The following GABRB1 variants were observed in gnomAD, a reference collection of about 807,000 sequenced individuals.
GABRB1 encodes gamma-aminobutyric acid type A receptor subunit beta1.
GABRB1 carries 17 observed loss-of-function variants against 51.6 expected under a neutral mutation model. The observed-to-expected ratio is 0.33, with a 90% CI of 0.23 to 0.49. GABRB1 has a LOEUF of 0.49. Among genes scored for constraint, GABRB1 ranks in the 20% least tolerant of loss-of-function variants. The probability of loss-of-function intolerance (pLI) is 0.99; values close to 1 mark genes in which losing one functional copy is unlikely to be tolerated. For missense variants in GABRB1, 410 were observed against 600.6 expected (o/e 0.68, Z 3.32); for synonymous variants, 247 against 218.9 (o/e 1.13, Z -1.14).
intron 4 of GABRB1, among the ~76,000 whole-genome samples, chr4:47,318,697 C>T (rs770433030): frequency 4.6e-5 from 7 of 152,028 alleles, no homozygotes; most frequent in Non-Finnish European, 8.8e-5. Context: ...ATTATCTCTC[C>T]ATTTTCTCTT....
intron 4 of GABRB1, among the ~76,000 whole-genome samples, chr4:47,265,425 G>A (rs538855028): frequency 6.6e-6 from 1 of 152,224 alleles, no homozygotes; most frequent in East Asian, 1.9e-4. Context: ...TATGAGCGCA[G>A]ATATCTTTTG....
At chr4:47,046,239 A>T (rs1355510834) in intron 3 of GABRB1, among the ~76,000 whole-genome samples, 1 of 152,246 alleles carries the variant, frequency 6.6e-6, no homozygotes, top group East Asian at 1.9e-4. Flanking sequence ...ATATTTCTTC[A>T]TAGCAGGGTG....
intron 3 of GABRB1, among the ~76,000 whole-genome samples, chr4:47,038,602 G>T (rs961230849): frequency 6.6e-6 from 1 of 152,106 alleles, no homozygotes; most frequent in Non-Finnish European, 1.5e-5. Context: ...CCTTCCATGA[G>T]GTGACTGAGA....
intron 4 of GABRB1, among the ~76,000 whole-genome samples, chr4:47,217,280 T>C (rs1201945304): frequency 6.6e-6 from 1 of 151,890 alleles, no homozygotes; most frequent in Non-Finnish European, 1.5e-5. Context: ...AGAAAATGAC[T>C]ACATGCTTGT....
At chr4:47,128,807 C>T (rs952553415) in intron 3 of GABRB1, among the ~76,000 whole-genome samples, 4 of 151,890 alleles carry the variant, frequency 2.6e-5, no homozygotes, top group African/African-American at 9.7e-5. Context: ...TCTTTACCTT[C>T]GGATTTTGCC....
chr4:47,092,852 A>G (rs528931128), intron 3 of GABRB1, among the ~76,000 whole-genome samples: 2 of 152,156 alleles, frequency 1.3e-5, no homozygotes, highest in African/African-American at 4.8e-5. Context: ...TGACCTCGTG[A>G]TTCACCCGCT....
intron 4 of GABRB1, among the ~76,000 whole-genome samples, chr4:47,212,852 C>G (rs1019015144): frequency 5.3e-5 from 8 of 152,170 alleles, no homozygotes; most frequent in Non-Finnish European, 1.2e-4. Context: ...AACAATCCCT[C>G]CCTAGTCTGA....
chr4:47,031,425 C>T (rs1725290537), upstream of GABRB1: 1 of 563,006 alleles, frequency 1.8e-6, no homozygotes, highest in African/African-American at 1.9e-5. Flanking sequence ...AGCAGCTTGT[C>T]TCTGACTACC....
At chr4:47,256,301 T>C (rs1285561386) in intron 4 of GABRB1, among the ~76,000 whole-genome samples, 1 of 152,252 alleles carries the variant, frequency 6.6e-6, no homozygotes, top group Non-Finnish European at 1.5e-5. Context: ...AATTATTTCA[T>C]ATGTTTACAT....
At chr4:47,289,765 T>C (rs529513605) in intron 4 of GABRB1, among the ~76,000 whole-genome samples, 1 of 152,354 alleles carries the variant, frequency 6.6e-6, no homozygotes, top group South Asian at 2.1e-4. Context: ...TAACAAGATA[T>C]AAACTACCTG....
At chr4:47,239,073 T>C (rs1158032189) in intron 4 of GABRB1, among the ~76,000 whole-genome samples, 1 of 152,248 alleles carries the variant, frequency 6.6e-6, no homozygotes, top group East Asian at 1.9e-4. Flanking sequence ...TTTTTTTAAC[T>C]TTTTAATTGA....
chr4:47,391,080 G>A (rs866103553), intron 5 of GABRB1, among the ~76,000 whole-genome samples: 21 of 152,270 alleles, frequency 1.4e-4, no homozygotes, highest in African/African-American at 5.1e-4. Flanking sequence ...GGAGGCTGAG[G>A]CAGGAGAATT....
intron 3 of GABRB1, among the ~76,000 whole-genome samples, chr4:47,053,850 TA>T (rs986047393): frequency 3.3e-5 from 5 of 152,208 alleles, no homozygotes; most frequent in African/African-American, 1.2e-4. Flanking sequence ...GAAACACAGC[TA>T]AAATGACTGG....
intron 4 of GABRB1, among the ~76,000 whole-genome samples, chr4:47,239,495 T>A (rs1721447627): frequency 6.6e-6 from 1 of 152,190 alleles, no homozygotes; most frequent in African/African-American, 2.4e-5. Flanking sequence ...AAAAAATGTA[T>A]TAGCAATGGG....
intron 5 of GABRB1, among the ~76,000 whole-genome samples, chr4:47,384,272 A>G (rs1372192100): frequency 2.0e-5 from 3 of 152,106 alleles, no homozygotes; most frequent in Non-Finnish European, 4.4e-5. Flanking sequence ...TCTTAACAAC[A>G]TACCATAAAC....
chr4:47,326,610 C>T (rs1425978274), intron 5 of GABRB1, among the ~76,000 whole-genome samples: 2 of 152,026 alleles, frequency 1.3e-5, no homozygotes, highest in Admixed American at 6.6e-5. Context: ...ATCTCCTGAA[C>T]GTAAGGAAAA....
chr4:47,345,766 A>G (rs756799827), intron 5 of GABRB1, among the ~76,000 whole-genome samples: 1 of 152,194 alleles, frequency 6.6e-6, no homozygotes, highest in Non-Finnish European at 1.5e-5. Flanking sequence ...GTCACTGGTT[A>G]TAGTCGAAAT....
chr4:47,063,839 A>G (rs1474320354), intron 3 of GABRB1, among the ~76,000 whole-genome samples: 1 of 152,098 alleles, frequency 6.6e-6, no homozygotes, highest in Non-Finnish European at 1.5e-5. Flanking sequence ...GAACAATGAG[A>G]ACACATGGAC....
intron 4 of GABRB1, among the ~76,000 whole-genome samples, chr4:47,312,615 T>C (rs1457223086): frequency 6.6e-6 from 1 of 152,148 alleles, no homozygotes; most frequent in Admixed American, 6.6e-5. Flanking sequence ...TCACCAATAT[T>C]AGGAGTATAA....
Sources: gnomAD v4.1 joint callset for allele counts (sites outside exome capture counted in the v4.1 genomes callset) on GRCh38, gnomAD v4.1.1 for gene constraint, MANE v1.5 for transcripts, NCBI Gene and HGNC (gene_info 2026-07-23, HGNC 2026-07-21) for gene names.